WT1: variants seen among roughly 807,000 people sequenced by gnomAD.
The protein encoded by WT1 is WT1 transcription factor.
WT1 carries 8 observed loss-of-function variants against 60.8 expected under a neutral mutation model. The ratio of observed to expected loss-of-function variants is 0.13; its 90% CI spans 0.08 to 0.24. WT1 has a LOEUF of 0.24. Among genes scored for constraint, WT1 ranks in the 10% least tolerant of loss-of-function variants. The probability of loss-of-function intolerance (pLI) is 1.00; values close to 1 mark genes in which losing one functional copy is unlikely to be tolerated. For synonymous variants in WT1, 312 were observed against 297.1 expected (o/e 1.05, Z -0.52); for missense variants, 568 against 711.8 (o/e 0.80, Z 2.30).
At position 32,434,722 on chromosome 11, in the gene WT1, G is replaced by T. The variant is rs775333473; in HGVS notation, c.639C>A (p.Ser213Arg). 1.9e-6 allele frequency: 3 copies of T among 1,612,996 alleles called. No homozygotes were observed. The highest frequency in any genetic ancestry group is 2.5e-6 in the Non-Finnish European group (3 of 1,179,956). ...TACCCTGATTGCGAATAGCGGGCTG[G>T]CTCTCGAGGCAGCTGGGCAGGTAGG... is the stretch of plus-strand genomic sequence containing the variant. The change falls in exon 1 of 10, where the codon AGC becomes AGA. Residue 213 changes from serine to arginine, a missense_variant. Physicochemically the swap from Ser to Arg is moderately radical, Grantham distance 110. Transcript: ENST00000452863.
intron 4 of WT1, 66 bp from the exon 5 acceptor site, chr11:32,416,606 T>A (rs900363715): frequency 6.9e-6 from 11 of 1,594,032 alleles, no homozygotes; most frequent in Non-Finnish European, 9.5e-6. Flanking sequence ...GCCCCCCAGA[T>A]CCCAGAATCC....
intron 8 of WT1, 44 bp from the exon 9 acceptor site, chr11:32,392,108 G>A (rs2132915878): frequency 6.4e-7 from 1 of 1,566,510 alleles, no homozygotes; most frequent in Non-Finnish European, 8.8e-7. Flanking sequence ...AACAATGTGG[G>A]CACAGTGAGG....
intron 3 of WT1, among the ~76,000 whole-genome samples, chr11:32,421,079 A>C (rs182045630): frequency 6.6e-6 from 1 of 152,294 alleles, no homozygotes; most frequent in East Asian, 1.9e-4. Context: ...CGGCCTTTCA[A>C]ATGGAAGTCA....
chr11:32,407,568 G>A (rs972602949), intron 5 of WT1, among the ~76,000 whole-genome samples: 20 of 152,114 alleles, frequency 1.3e-4, no homozygotes, highest in Admixed American at 1.2e-3. Context: ...TCTCCCCTCT[G>A]CAGAGTTAAT....
intron 1 of WT1, 130 bp from the exon 2 acceptor site, chr11:32,428,749 C>G (rs1175162890): frequency 7.6e-6 from 11 of 1,451,540 alleles, no homozygotes; most frequent in Non-Finnish European, 1.0e-5. Context: ...GGAGGAGAAT[C>G]CAGCCCCACA....
At position 32,421,741 on chromosome 11, in the gene WT1, G is replaced by C. The variant is rs150083701; in HGVS notation, c.888-4087C>G. Among the ~76,000 whole-genome samples, 669 of 152,326 alleles carry C rather than the reference G, an allele frequency of 4.4e-3. 4 individuals are homozygous for C. The highest frequency in any genetic ancestry group is 0.016 in the African/African-American group (645 of 41,568). On this transcript the variant is annotated intron_variant, in intron 3 of 9. Coordinates refer to ENST00000452863, the MANE Select transcript of WT1 (RefSeq NM_024426.6). ...GAAAGGAAGAAAAAAAGCCTCAGCTGTTATCTAGATGAGAACTCCTCCACT... is the reference window on the plus strand; with the variant it reads ...GAAAGGAAGAAAAAAAGCCTCAGCTCTTATCTAGATGAGAACTCCTCCACT...
intron 6 of WT1, among the ~76,000 whole-genome samples, chr11:32,399,702 C>T (rs927294467): frequency 3.3e-5 from 5 of 152,224 alleles, no homozygotes; most frequent in Admixed American, 6.5e-5. Flanking sequence ...GCAGTAAAGG[C>T]AGAAAGGAGA....
In WT1 at chr11:32,428,540, G is replaced by A. The variant is rs1050903370; in HGVS notation, c.741C>T (p.His247=). The A allele has an allele frequency of 1.9e-6, 3 of 1,614,048 alleles. No individual in the cohort carries two copies. In the African/African-American group the frequency reaches 4.0e-5, roughly 22 times the overall value. The change falls in exon 2 of 10, where the codon CAC becomes CAT. Residue 247 remains histidine (H), a synonymous_variant. Coordinates refer to ENST00000452863, the MANE Select transcript of WT1 (RefSeq NM_024426.6). ...CCATGGGATCCTCATGCTTGAATGAGTGGTTGGGGAACTGCGCCGCATGGT... is the reference window on the plus strand; with the variant it reads ...CCATGGGATCCTCATGCTTGAATGAATGGTTGGGGAACTGCGCCGCATGGT...
At chr11:32,431,710 G>A (rs1853318432) in intron 1 of WT1, among the ~76,000 whole-genome samples, 1 of 151,848 alleles carries the variant, frequency 6.6e-6, no homozygotes, top group African/African-American at 2.4e-5. Context: ...ACCGCGTCCG[G>A]CCCAAGCAAG....
chr11:32,403,155 G>T (rs1481639957), intron 5 of WT1, among the ~76,000 whole-genome samples: 2 of 147,286 alleles, frequency 1.4e-5, no homozygotes, highest in East Asian at 3.9e-4. Flanking sequence ...GGTCCATGAG[G>T]AAAAAAAAAA....
chr11:32,391,519 A>AGACC (rs1402050008), intron 9 of WT1, among the ~76,000 whole-genome samples: 2 of 152,238 alleles, frequency 1.3e-5, no homozygotes, highest in African/African-American at 2.4e-5. Context: ...GCAGAAACCA[A>AGACC]GACCGCTCCT....
At chr11:32,430,325 A>G (rs1853237966) in intron 1 of WT1, among the ~76,000 whole-genome samples, 1 of 152,050 alleles carries the variant, frequency 6.6e-6, no homozygotes, top group Admixed American at 6.6e-5. Context: ...AGGCCTATAG[A>G]TGAGCTTACA....
intron 4 of WT1, chr11:32,417,330 A>G (rs1475473563): frequency 1.9e-6 from 1 of 523,050 alleles, no homozygotes; most frequent in Non-Finnish European, 3.4e-6. Context: ...AAAACATTCA[A>G]CAAGACCATA....
At chr11:32,408,641 A>T (rs1590360790) in intron 5 of WT1, among the ~76,000 whole-genome samples, 1 of 151,922 alleles carries the variant, frequency 6.6e-6, no homozygotes, top group African/African-American at 2.4e-5. Flanking sequence ...AAAGAAACAC[A>T]GGGGAGAGAG....
intron 4 of WT1, 111 bp from the exon 5 acceptor site, chr11:32,416,651 C>T: frequency 7.3e-7 from 1 of 1,361,634 alleles, no homozygotes; most frequent in Non-Finnish European, 1.0e-6. Context: ...AGACATCAAG[C>T]TAGCTATCAA....
At chr11:32,413,204 T>C (rs796560985) in intron 5 of WT1, among the ~76,000 whole-genome samples, 25 of 152,330 alleles carry the variant, frequency 1.6e-4, no homozygotes, top group African/African-American at 5.8e-4. Context: ...GGAAATTACA[T>C]CTTTCTTCTC....
intron 5 of WT1, among the ~76,000 whole-genome samples, chr11:32,406,827 A>C (rs991022454): frequency 1.3e-5 from 2 of 152,248 alleles, no homozygotes; most frequent in Admixed American, 1.3e-4. Flanking sequence ...GGCCGGGTGC[A>C]GTGGCTCATG....
intron 3 of WT1, among the ~76,000 whole-genome samples, chr11:32,424,703 T>C (rs1018698542): frequency 6.6e-6 from 1 of 152,154 alleles, no homozygotes; most frequent in Non-Finnish European, 1.5e-5. Context: ...AACAAATATA[T>C]ATGCAGCTGC....
chr11:32,418,156 G>C (rs1161895843), intron 3 of WT1, among the ~76,000 whole-genome samples: 1 of 150,324 alleles, frequency 6.7e-6, no homozygotes, highest in African/African-American at 2.4e-5. Flanking sequence ...GCAAGGATGT[G>C]ACAAGCAGAA....
Sources: allele counts gnomAD v4.1 joint callset (sites outside exome capture counted in the v4.1 genomes callset), GRCh38; gene constraint gnomAD v4.1.1; transcripts MANE v1.5; gene names NCBI Gene and HGNC (gene_info 2026-07-23, HGNC 2026-07-21).